The following ZNF771 variants were observed in gnomAD, a reference collection of about 807,000 sequenced individuals.
ZNF771 encodes the protein zinc finger protein 771.
In ZNF771, 10 loss-of-function variants were observed where a neutral mutation model predicts 27.6. The observed-to-expected ratio is 0.36, with a 90% CI of 0.22 to 0.61. The LOEUF is 0.61. Among genes scored for constraint, ZNF771 ranks in the 20% least tolerant of loss-of-function variants. The probability of loss-of-function intolerance (pLI) is 0.70; values close to 1 mark genes in which losing one functional copy is unlikely to be tolerated. For synonymous variants in ZNF771, 261 were observed against 225.2 expected (o/e 1.16, Z -1.43); for missense variants, 438 against 503.7 (o/e 0.87, Z 1.25).
chr16:30,417,536 T>C lies in ZNF771; in HGVS notation c.142-19T>C. On this transcript the variant is annotated intron_variant, in intron 2 of 2. Coordinates refer to ENST00000319296, the MANE Select transcript of ZNF771 (RefSeq NM_001142305.2). ...CGGGGCCTGCCGCTAAGGGCTGACC[T>C]ATCCCCCTCTCCCCGCAGGTCCCGG... is the stretch of plus-strand genomic sequence containing the variant. 1 of 1,213,538 alleles carries C rather than the reference T, an allele frequency of 8.2e-7. No individual in the cohort carries two copies. Among genetic ancestry groups the C allele is most frequent in the Non-Finnish European group, 1.0e-6 (1 of 977,142 alleles). The allele number at this position is 1,213,538 out of a possible 1,614,324, so 75.2% of individuals were successfully genotyped here. A position where few individuals can be genotyped will look rare whatever the true frequency, so the allele number is the denominator to read the frequency against.
intron 2 of ZNF771, among the ~76,000 whole-genome samples, chr16:30,414,946 C>CTTTTTTTTT (rs71149016): frequency 8.4e-5 from 5 of 59,464 alleles, no homozygotes; most frequent in African/African-American, 1.6e-4. Flanking sequence ...CGCCCGGCCT[C>CTTTTTTTTT]TTTTTTTTTT....
At chr16:30,416,894 C>T (rs1339168985) in intron 2 of ZNF771, among the ~76,000 whole-genome samples, 2 of 147,658 alleles carry the variant, frequency 1.4e-5, no homozygotes, top group Non-Finnish European at 3.0e-5. Flanking sequence ...GGGACCAAGC[C>T]TGGGCCACGG....
chr16:30,410,497 C>G (rs1409174152), intron 2 of ZNF771, among the ~76,000 whole-genome samples: 1 of 152,042 alleles, frequency 6.6e-6, no homozygotes, highest in African/African-American at 2.4e-5. Flanking sequence ...ACAAACGACT[C>G]AAGGCAGTGG....
intron 2 of ZNF771, among the ~76,000 whole-genome samples, chr16:30,409,744 C>T (rs1486816609): frequency 6.6e-6 from 1 of 152,184 alleles, no homozygotes. Context: ...GGGCCCCCTT[C>T]GCCCATTATC....
chr16:30,414,863 T>G (rs1483593851), intron 2 of ZNF771, among the ~76,000 whole-genome samples: 1 of 150,458 alleles, frequency 6.6e-6, no homozygotes, highest in African/African-American at 2.5e-5. Context: ...GCCAGGATGG[T>G]CTCGATCTCC....
intron 2 of ZNF771, among the ~76,000 whole-genome samples, chr16:30,410,343 C>T (rs994845231): frequency 6.6e-6 from 1 of 152,124 alleles, no homozygotes; most frequent in African/African-American, 2.4e-5. Context: ...CCTCATGATC[C>T]GCCCGCCTCG....
chr16:30,409,073 C>A (rs1259181180), intron 2 of ZNF771, among the ~76,000 whole-genome samples: 5 of 152,110 alleles, frequency 3.3e-5, no homozygotes, highest in Non-Finnish European at 7.4e-5. Flanking sequence ...CTCCCGGGTT[C>A]AAGTGGTTCT....
rs1312040627 is a variant in ZNF771 at position 30,417,912 on chromosome 16, C to T, written c.499C>T (p.Arg167Cys). The stretch of plus-strand genomic sequence containing the variant: ...GAGCTCCAACTACGCACAGCACCTG[C>T]GCGTGCACACGGGCGAGAAGCCGTA... ...AQSSNYAQHL[R>C]VHTGEKPYAC... Residue 167 changes from arginine (R) to cysteine (C), a missense_variant, in exon 3 of 3, where the codon CGC (arginine) becomes TGC (cysteine). Physicochemically the swap from Arg to Cys is radical, Grantham distance 180. Coordinates refer to ENST00000319296, the MANE Select transcript of ZNF771 (RefSeq NM_001142305.2). 2 of 1,520,010 alleles carry T rather than the reference C, an allele frequency of 1.3e-6. No individual in the cohort carries two copies. The highest frequency in any genetic ancestry group is 1.4e-5 in the African/African-American group (1 of 69,478). 94.2% of individuals were successfully genotyped at this position (1,520,010 alleles called of 1,614,324 possible). A position where few individuals can be genotyped will look rare whatever the true frequency, so the allele number is the denominator to read the frequency against.
chr16:30,416,920 TAAAAAAAAAA>T (rs34982677), intron 2 of ZNF771, among the ~76,000 whole-genome samples: 1 of 100,834 alleles, frequency 9.9e-6, no homozygotes, highest in Non-Finnish European at 2.0e-5. Flanking sequence ...CCCTGTCTCT[TAAAAAAAAAA>T]AAAAAAAAAA....
rs1172938865 is a variant in ZNF771, at chr16:30,418,195, G to C, written c.782G>C (p.Cys261Ser). Residue 261 changes from cysteine to serine, a missense_variant, in exon 3 of 3, where the codon TGC becomes TCC. By Grantham distance (112) the Cys-to-Ser change is moderately radical. Coordinates refer to ENST00000319296, the MANE Select transcript of ZNF771 (RefSeq NM_001142305.2). ...RTHTGERPYP[C>S]AECGRRFRLS... ...CACACAGGCGAGCGGCCCTACCCCT[G>C]CGCCGAGTGCGGCCGCCGCTTCCGC... 1 of 1,505,096 alleles carries C rather than the reference G, an allele frequency of 6.6e-7. No homozygotes were observed. The highest frequency in any genetic ancestry group is 2.7e-5 in the East Asian group (1 of 37,074). The allele number at this position is 1,505,096 out of a possible 1,614,324, so 93.2% of individuals were successfully genotyped here. A position where few individuals can be genotyped will look rare whatever the true frequency, so the allele number is the denominator to read the frequency against.
chr16:30,407,774 T>C (rs2050083118), intron 1 of ZNF771, 110 bp downstream of exon 1: 2 of 231,882 alleles, frequency 8.6e-6, no homozygotes, highest in Non-Finnish European at 1.7e-5. Flanking sequence ...AGCGCAAGGA[T>C]GGTGGCGACT....
rs995685138 is a variant in ZNF771, at chr16:30,415,279, G to C, written c.142-2276G>C. Among the ~76,000 whole-genome samples the C allele has an allele frequency of 2.6e-5, 4 of 151,366 alleles. No homozygotes were observed. The East Asian group carries it at 7.7e-4, about 29-fold the overall frequency. ...GGCTTATTTTCTAATTTCTGAGTTG[G>C]TTACCACAAAGCCACTACCTTTTGA... On this transcript the variant is annotated intron_variant, in intron 2 of 2. Coordinates refer to ENST00000319296, the MANE Select transcript of ZNF771 (RefSeq NM_001142305.2).
At chr16:30,416,344 A>G (rs957885097) in intron 2 of ZNF771, among the ~76,000 whole-genome samples, 4 of 152,108 alleles carry the variant, frequency 2.6e-5, no homozygotes, top group African/African-American at 7.2e-5. Flanking sequence ...CAGATATGTC[A>G]AGAAGCCGTG....
Position 30,418,033 on chromosome 16 carries a change from A to T in ZNF771, c.620A>T (p.Asp207Val), listed in dbSNP as rs778973789. Residue 207 changes from aspartate (D) to valine (V), a missense_variant, in exon 3 of 3, where the codon GAC (aspartate) becomes GTC (valine). Physicochemically the swap from Asp to Val is radical, Grantham distance 152. Transcript: ENST00000319296. Reference sequence around the variant, plus strand: ...GGCGAGCGGCCCTACGCTTGCGCCGACTGCGGCACGCGCTTCGCTCAGAGC... The same window carrying T: ...GGCGAGCGGCCCTACGCTTGCGCCGTCTGCGGCACGCGCTTCGCTCAGAGC... ...HTGERPYACA[D>V]CGTRFAQSSA... 17 of 1,448,076 alleles carry T rather than the reference A, an allele frequency of 1.2e-5. No homozygotes were observed. The South Asian group carries it at 2.0e-4, about 17-fold the overall frequency. 89.7% of individuals were successfully genotyped at this position (1,448,076 alleles called of 1,614,324 possible).
intron 2 of ZNF771, among the ~76,000 whole-genome samples, chr16:30,411,244 G>C (rs8045570): frequency 0.17 from 25,866 of 151,142 alleles, 2,625 homozygotes; most frequent in South Asian, 0.23. Flanking sequence ...GCTTGAATCT[G>C]GGAGGCGGAG....
In ZNF771 at chr16:30,407,670, T is replaced by G; in HGVS notation, c.-10+6T>G. 1 of 167,152 alleles carries G rather than the reference T, an allele frequency of 6.0e-6. No homozygotes were observed. Among genetic ancestry groups the G allele is most frequent in the Non-Finnish European group, 1.3e-5 (1 of 77,344 alleles). 10.4% of individuals were successfully genotyped at this position (167,152 alleles called of 1,614,324 possible). ...GAGTGCCGAACCTTCGGCTGGTGAG[T>G]GCGCACCCCCTCCCCGGGGTTTCCG... On this transcript the variant is annotated splice_donor_region_variant and intron_variant, in intron 1 of 2. Coordinates refer to ENST00000319296, the MANE Select transcript of ZNF771 (RefSeq NM_001142305.2).
Position 30,418,431 on chromosome 16 carries a change from C to T in ZNF771, c.*64C>T. 7.5e-7 allele frequency: 1 copy of T among 1,334,664 alleles called. No individual in the cohort carries two copies. The highest frequency in any genetic ancestry group is 1.5e-5 in the African/African-American group (1 of 64,720). The allele number at this position is 1,334,664 out of a possible 1,614,324, so 82.7% of individuals were successfully genotyped here. On this transcript the variant is annotated 3_prime_UTR_variant, in exon 3 of 3. Coordinates refer to ENST00000319296, the MANE Select transcript of ZNF771 (RefSeq NM_001142305.2). ...CCTGGCTGCACTAACCCAGGCTCCT[C>T]CTCGCCCCGGCCTCCGGGTCTGGGA...
At chr16:30,415,054 T>C (rs917509929) in intron 2 of ZNF771, among the ~76,000 whole-genome samples, 1 of 143,780 alleles carries the variant, frequency 7.0e-6, no homozygotes, top group African/African-American at 2.7e-5. Flanking sequence ...GCCTCCCGGG[T>C]TCAAGTGATT....
At position 30,418,097 on chromosome 16, in the gene ZNF771, G is replaced by A. The variant is rs1207867384; in HGVS notation, c.684G>A (p.Glu228=). Residue 228 remains glutamate (E), a synonymous_variant, in exon 3 of 3, where the codon GAG becomes GAA. Transcript: ENST00000319296. The stretch of plus-strand genomic sequence containing the variant: ...AGCACCGGCGCGTGCACACGGGCGA[G>A]AAGCCGCACCGCTGCGCTGTGTGTG... ...LAKHRRVHTG[E]KPHRCAVCGR... 3 of 1,480,742 alleles carry A rather than the reference G, an allele frequency of 2.0e-6. No homozygotes were observed. Among genetic ancestry groups the A allele is most frequent in the East Asian group, 5.7e-5 (2 of 35,086 alleles). 91.7% of individuals were successfully genotyped at this position (1,480,742 alleles called of 1,614,324 possible).
Sources: gnomAD v4.1 joint callset for allele counts (sites outside exome capture counted in the v4.1 genomes callset) on GRCh38, gnomAD v4.1.1 for gene constraint, MANE v1.5 for transcripts, NCBI Gene and HGNC (gene_info 2026-07-23, HGNC 2026-07-21) for gene names.